PANK1: variants seen among roughly 807,000 people sequenced by gnomAD.
PANK1 encodes the protein pantothenic acid kinase 1.
A neutral mutation model predicts 40.1 loss-of-function variants in PANK1; 18 were observed. The ratio of observed to expected loss-of-function variants is 0.45; its 90% CI spans 0.31 to 0.67. PANK1 has a LOEUF of 0.67. Ranked by LOEUF, PANK1 falls within the 30% of genes least tolerant of loss-of-function variation. PANK1 has a pLI of 0.06. For synonymous variants in PANK1, 242 were observed against 237.7 expected (o/e 1.02, Z -0.17); for missense variants, 457 against 599.6 (o/e 0.76, Z 2.48).
chr10:89,606,288 T>G (rs2133954030), intron 2 of PANK1, among the ~76,000 whole-genome samples: 1 of 152,376 alleles, frequency 6.6e-6, no homozygotes, highest in East Asian at 1.9e-4. Context: ...ACTTCTGTTC[T>G]GTACTATGAA....
chr10:89,611,901 C>T lies in PANK1; in HGVS notation c.440G>A (p.Gly147Glu). 1 of 1,614,184 alleles carries T rather than the reference C, an allele frequency of 6.2e-7. No individual in the cohort carries two copies. Among genetic ancestry groups the T allele is most frequent in the Non-Finnish European group, 8.5e-7 (1 of 1,180,032 alleles). The change falls in exon 2 of 7, where the codon GGG (glycine) becomes GAG (glutamate). Residue 147 changes from glycine to glutamate, a missense_variant. Coordinates refer to ENST00000307534, the MANE Select transcript of PANK1 (RefSeq NM_148977.3). ...GTGGACGTCTCGGATCCCAGTTTTC[C>T]CATAAGCAGTATTAGAAGTCAAATA... is the stretch of plus-strand genomic sequence containing the variant. ...RKYLTSNTAY[G>E]KTGIRDVHLE...
rs146625750 is a variant in PANK1, at chr10:89,590,526, T to C, written c.1201-1749A>G. On this transcript the variant is annotated intron_variant, in intron 5 of 6. Coordinates refer to ENST00000307534, the MANE Select transcript of PANK1 (RefSeq NM_148977.3). ...TATTACAATCAACATATCCGATGAC[T>C]CAGCAAGTTCCCTTCTAGGAATTTA... 1.1e-3 allele frequency among the ~76,000 whole-genome samples: 175 copies of C among 152,264 alleles called. 1 individual carries two copies. The highest frequency in any genetic ancestry group is 4.1e-3 in the African/African-American group (171 of 41,560).
intron 1 of PANK1, among the ~76,000 whole-genome samples, chr10:89,634,829 A>G (rs1160312341): frequency 6.6e-6 from 1 of 152,126 alleles, no homozygotes; most frequent in Non-Finnish European, 1.5e-5. Context: ...TGCCAGCATC[A>G]CTCTCAGACA....
intron 1 of PANK1, among the ~76,000 whole-genome samples, chr10:89,618,692 G>A (rs548719623): frequency 2.0e-5 from 3 of 152,220 alleles, no homozygotes; most frequent in Non-Finnish European, 4.4e-5. Flanking sequence ...TGGCTGGTAA[G>A]TTGTGAATGG....
chr10:89,637,019 G>A (rs1053397240), intron 1 of PANK1, among the ~76,000 whole-genome samples: 2 of 150,022 alleles, frequency 1.3e-5, no homozygotes, highest in East Asian at 4.0e-4. Flanking sequence ...CCGCCACCAC[G>A]CCTGGCTATT....
At chr10:89,606,613 T>G (rs1355340826) in intron 2 of PANK1, among the ~76,000 whole-genome samples, 2 of 103,408 alleles carry the variant, frequency 1.9e-5, no homozygotes, top group African/African-American at 2.9e-5. Context: ...AACCTCTGCC[T>G]CCTGGGCTCA....
At chr10:89,642,074 A>G (rs1325138441) in intron 1 of PANK1, among the ~76,000 whole-genome samples, 1 of 152,218 alleles carries the variant, frequency 6.6e-6, no homozygotes, top group Non-Finnish European at 1.5e-5. Context: ...GAATAAGTAG[A>G]GTGAGGTGAT....
rs537057219 is a variant in PANK1 at position 89,601,557 on chromosome 10, T to C, written c.646-2052A>G. On this transcript the variant is annotated intron_variant, in intron 2 of 6. Coordinates refer to ENST00000307534, the MANE Select transcript of PANK1 (RefSeq NM_148977.3). ...CATTTGAATTTCCTATTTGACAACA[T>C]TTTTGACTTCACATTACTCATTTGA... is the stretch of plus-strand genomic sequence containing the variant. Among the ~76,000 whole-genome samples the C allele has an allele frequency of 1.7e-4, 26 of 152,292 alleles. No homozygotes were observed. The South Asian group carries it at 4.6e-3, about 27-fold the overall frequency.
At chr10:89,591,325 T>C (rs1283485754) in intron 5 of PANK1, among the ~76,000 whole-genome samples, 5 of 152,182 alleles carry the variant, frequency 3.3e-5, no homozygotes, top group Non-Finnish European at 7.4e-5. Flanking sequence ...ACTCACTTCC[T>C]TGTGTATCCT....
intron 1 of PANK1, among the ~76,000 whole-genome samples, chr10:89,621,698 G>A (rs1030000991): frequency 1.3e-5 from 2 of 151,906 alleles, no homozygotes; most frequent in African/African-American, 4.8e-5. Flanking sequence ...TTTCTTACTT[G>A]AGCTATTTAC....
chr10:89,622,387 T>C lies in PANK1; in HGVS notation c.293-10339A>G, dbSNP rs1166216672. The stretch of plus-strand genomic sequence containing the variant: ...GTGTTGGCAAGGGTACAAGCTCATA[T>C]GCTACCACTGGGAATGTAAACTGGT... On this transcript the variant is annotated intron_variant, in intron 1 of 6. Transcript: ENST00000307534. Among the ~76,000 whole-genome samples, 6 of 152,208 alleles carry C rather than the reference T, an allele frequency of 3.9e-5. No individual in the cohort carries two copies. The South Asian group carries it at 6.2e-4, about 16-fold the overall frequency.
At chr10:89,628,340 C>A (rs532848278) in intron 1 of PANK1, among the ~76,000 whole-genome samples, 1 of 152,286 alleles carries the variant, frequency 6.6e-6, no homozygotes, top group East Asian at 1.9e-4. Flanking sequence ...AAAATATTAT[C>A]TGGCCACAAA....
chr10:89,623,809 C>G (rs1003389592), intron 1 of PANK1, among the ~76,000 whole-genome samples: 1 of 152,194 alleles, frequency 6.6e-6, no homozygotes, highest in Non-Finnish European at 1.5e-5. Context: ...GTAAGCCCAA[C>G]TCCCAAGAGC....
chr10:89,639,124 A>AT, intron 1 of PANK1: 1 of 407,614 alleles, frequency 2.5e-6, no homozygotes, highest in Non-Finnish European at 5.0e-6. Context: ...GTAATTAATA[A>AT]TGAACAGAAA....
At chr10:89,588,188 C>T (rs146070089) in intron 6 of PANK1, among the ~76,000 whole-genome samples, 125 of 151,778 alleles carry the variant, frequency 8.2e-4, no homozygotes, top group African/African-American at 2.8e-3. Flanking sequence ...TGTATATGTA[C>T]CACATTAAAA....
intron 1 of PANK1, chr10:89,643,905 C>T (rs1842034855): frequency 1.0e-5 from 14 of 1,380,126 alleles, no homozygotes; most frequent in Non-Finnish European, 1.3e-5. Context: ...CTCCGGTGTA[C>T]ATTACAATTA....
chr10:89,594,037 C>T, intron 3 of PANK1, 48 bp from the exon 4 acceptor site: 1 of 1,336,654 alleles, frequency 7.5e-7, no homozygotes, highest in Non-Finnish European at 1.1e-6. Flanking sequence ...TAAGATATGC[C>T]CATCCAAGTC....
chr10:89,580,277 G>A (rs769804636), downstream of PANK1: 7 of 152,202 alleles, frequency 4.6e-5, no homozygotes, highest in Non-Finnish European at 7.3e-5. Flanking sequence ...TCAAAAGTAC[G>A]TAACTTGTTT....
At chr10:89,631,281 ATGT>A (rs1589813801) in intron 1 of PANK1, among the ~76,000 whole-genome samples, 1 of 152,250 alleles carries the variant, frequency 6.6e-6, no homozygotes. Context: ...AAATTCACTG[ATGT>A]TTAACTAGTT....
Sources: allele counts gnomAD v4.1 joint callset (sites outside exome capture counted in the v4.1 genomes callset), GRCh38; gene constraint gnomAD v4.1.1; transcripts MANE v1.5; gene names NCBI Gene and HGNC (gene_info 2026-07-23, HGNC 2026-07-21).